Variants in TCF7L1 observed in about 807,000 individuals in gnomAD.
TCF7L1 encodes transcription factor 7-like 1.
In TCF7L1, 18 loss-of-function variants were observed where a neutral mutation model predicts 63.7. The observed-to-expected ratio is 0.28, with a 90% CI of 0.20 to 0.42. The LOEUF is 0.42. TCF7L1 is among the 10% of genes least tolerant of loss of function. The probability of loss-of-function intolerance (pLI) is 1.00; values close to 1 mark genes in which losing one functional copy is unlikely to be tolerated. For synonymous variants in TCF7L1, 355 were observed against 340.9 expected, an observed-to-expected ratio of 1.04 and a Z score of -0.46; for missense variants, 654 against 779.3, an observed-to-expected ratio of 0.84 and a Z score of 1.91.
At position 85,194,594 on chromosome 2, in the gene TCF7L1, T is replaced by C. The variant is rs1679112993; in HGVS notation, c.441+60144T>C. ...TGGTCAGGGCATCTTCTGAGGATGA[T>C]GGGGATCCTGCAACTAAGCCAGCCA... On this transcript the variant is annotated intron_variant, in intron 3 of 11. Coordinates refer to ENST00000282111, the MANE Select transcript of TCF7L1 (RefSeq NM_031283.3). Among the ~76,000 whole-genome samples, 4 of 152,180 alleles carry C rather than the reference T, an allele frequency of 2.6e-5. No individual in the cohort carries two copies. In the South Asian group the frequency reaches 8.3e-4, roughly 32 times the overall value.
chr2:85,298,359 C>G (rs1306422765), intron 4 of TCF7L1, among the ~76,000 whole-genome samples: 3 of 149,760 alleles, frequency 2.0e-5, no homozygotes, highest in Non-Finnish European at 4.4e-5. Flanking sequence ...GGCATGGTGG[C>G]GGGTGCACGT....
intron 3 of TCF7L1, among the ~76,000 whole-genome samples, chr2:85,279,883 G>C (rs1573023194): frequency 6.6e-6 from 1 of 152,144 alleles, no homozygotes; most frequent in East Asian, 1.9e-4. Flanking sequence ...TTGTCTGTAA[G>C]GGGCCAGGTA....
At chr2:85,159,539 G>A (rs1011404585) in intron 3 of TCF7L1, among the ~76,000 whole-genome samples, 2 of 152,210 alleles carry the variant, frequency 1.3e-5, no homozygotes, top group African/African-American at 2.4e-5. Flanking sequence ...GGGAAGATCT[G>A]AGGGAATGTG....
chr2:85,286,444 A>G (rs1681555767), intron 4 of TCF7L1, among the ~76,000 whole-genome samples: 1 of 152,138 alleles, frequency 6.6e-6, no homozygotes, highest in Admixed American at 6.5e-5. Flanking sequence ...TGGGAGGCCA[A>G]GGAGGGAGGA....
chr2:85,298,492 A>AAAC (rs1185570930), intron 4 of TCF7L1, among the ~76,000 whole-genome samples: 2 of 150,924 alleles, frequency 1.3e-5, no homozygotes, highest in African/African-American at 4.9e-5. Flanking sequence ...AAAAAAAAAA[A>AAAC]AAAAAAAAAA....
At chr2:85,187,905 A>G (rs990495371) in intron 3 of TCF7L1, among the ~76,000 whole-genome samples, 3 of 152,236 alleles carry the variant, frequency 2.0e-5, no homozygotes, top group African/African-American at 4.8e-5. Flanking sequence ...TCAGTGGTGT[A>G]TGGTTGACCA....
At chr2:85,176,629 G>T (rs1415897063) in intron 3 of TCF7L1, among the ~76,000 whole-genome samples, 2 of 152,096 alleles carry the variant, frequency 1.3e-5, no homozygotes, top group Admixed American at 6.5e-5. Flanking sequence ...TCTGAAAATT[G>T]TATATTCCAT....
At chr2:85,245,770 G>A (rs1009371928) in intron 3 of TCF7L1, among the ~76,000 whole-genome samples, 3 of 150,988 alleles carry the variant, frequency 2.0e-5, no homozygotes, top group South Asian at 2.1e-4. Flanking sequence ...AGCCGAGATC[G>A]CACCACTGCA....
At chr2:85,269,838 A>G (rs140363038) in intron 3 of TCF7L1, among the ~76,000 whole-genome samples, 126 of 152,330 alleles carry the variant, frequency 8.3e-4, no homozygotes, top group African/African-American at 2.9e-3. Context: ...CCACATTTGC[A>G]TACACACTAG....
At chr2:85,217,317 C>T (rs1484000470) in intron 3 of TCF7L1, 1 of 152,208 alleles carries the variant, frequency 6.6e-6, no homozygotes, top group Non-Finnish European at 1.5e-5. Flanking sequence ...CTGAAGCACT[C>T]TGAGAAACAG....
At chr2:85,194,043 T>C (rs1447354694) in intron 3 of TCF7L1, among the ~76,000 whole-genome samples, 1 of 146,866 alleles carries the variant, frequency 6.8e-6, no homozygotes, top group Non-Finnish European at 1.5e-5. Context: ...GGCTATGGGA[T>C]GGAGAGGGGT....
At chr2:85,150,297 G>A (rs1264321236) in intron 3 of TCF7L1, among the ~76,000 whole-genome samples, 8 of 150,468 alleles carry the variant, frequency 5.3e-5, no homozygotes, top group Non-Finnish European at 7.4e-5. Flanking sequence ...GCAGTGAAGC[G>A]ATCTCAGCTC....
chr2:85,220,552 G>A (rs1374755500), intron 3 of TCF7L1, among the ~76,000 whole-genome samples: 1 of 151,958 alleles, frequency 6.6e-6, no homozygotes, highest in East Asian at 1.9e-4. Context: ...TTTTGATAGA[G>A]ACAGGGTTTC....
intron 3 of TCF7L1, among the ~76,000 whole-genome samples, chr2:85,191,841 A>G (rs1489820224): frequency 1.3e-5 from 2 of 151,922 alleles, no homozygotes; most frequent in African/African-American, 4.8e-5. Flanking sequence ...AAAAAAAAAA[A>G]GAAGTTTATT....
chr2:85,137,621 G>A (rs935950368), intron 3 of TCF7L1, among the ~76,000 whole-genome samples: 43 of 152,174 alleles, frequency 2.8e-4, no homozygotes, highest in Admixed American at 2.6e-3. Context: ...GGCTGGGTGC[G>A]GTGGCTTAGG....
chr2:85,150,256 C>T (rs1338206804), intron 3 of TCF7L1, among the ~76,000 whole-genome samples: 13 of 145,854 alleles, frequency 8.9e-5, no homozygotes, highest in Admixed American at 4.8e-4. Context: ...TTTTTTGAGA[C>T]GGAGTCTCGC....
chr2:85,265,249 T>C (rs1299527064), intron 3 of TCF7L1, among the ~76,000 whole-genome samples: 2 of 151,730 alleles, frequency 1.3e-5, no homozygotes, highest in Non-Finnish European at 1.5e-5. Flanking sequence ...GGTGTGAGCA[T>C]TTGGGGACCA....
intron 3 of TCF7L1, among the ~76,000 whole-genome samples, chr2:85,245,325 G>A (rs984234345): frequency 6.6e-6 from 1 of 152,198 alleles, no homozygotes; most frequent in Non-Finnish European, 1.5e-5. Flanking sequence ...GGCCATAGGG[G>A]GTTCCCTTCT....
At chr2:85,227,818 G>A (rs1329435099) in intron 3 of TCF7L1, among the ~76,000 whole-genome samples, 10 of 151,778 alleles carry the variant, frequency 6.6e-5, no homozygotes, top group Admixed American at 3.3e-4. Context: ...AACAGAGTGA[G>A]ACCCTGTCTC....
Sources: gnomAD v4.1 joint callset for allele counts (sites outside exome capture counted in the v4.1 genomes callset) on GRCh38, gnomAD v4.1.1 for gene constraint, MANE v1.5 for transcripts, NCBI Gene and HGNC (gene_info 2026-07-23, HGNC 2026-07-21) for gene names.